Variants in CSMD1 observed in about 807,000 individuals in gnomAD.
CSMD1 encodes CUB and sushi domain-containing protein 1.
A neutral mutation model predicts 417.5 loss-of-function variants in CSMD1; 213 were observed. The observed-to-expected ratio is 0.51, with a 90% CI of 0.46 to 0.57. The LOEUF (loss-of-function observed/expected upper bound fraction) is 0.57, where lower values mean the gene tolerates loss of function less well. Among genes scored for constraint, CSMD1 ranks in the 20% least tolerant of loss-of-function variants. CSMD1 has a pLI of 0.00. For missense variants in CSMD1, 6,923 were observed against 4,529.7 expected, an observed-to-expected ratio of 1.53 and a Z score of -15.17; for synonymous variants, 2,862 against 1,736.8, an observed-to-expected ratio of 1.65 and a Z score of -16.11.
intron 2 of CSMD1, among the ~76,000 whole-genome samples, chr8:4,446,755 CTGTGTG>C (rs58002310): frequency 0.017 from 2,198 of 132,912 alleles, 20 homozygotes; most frequent in African/African-American, 0.027. Flanking sequence ...GTGTGTGTGT[CTGTGTG>C]TGTGTGTGTG....
intron 7 of CSMD1, among the ~76,000 whole-genome samples, chr8:3,640,196 G>A (rs939592846): frequency 2.0e-5 from 3 of 152,172 alleles, no homozygotes; most frequent in Non-Finnish European, 4.4e-5. Context: ...GGATATTGCA[G>A]TCATGTGGGG....
At chr8:4,345,272 T>C (rs146570863) in intron 3 of CSMD1, among the ~76,000 whole-genome samples, 2 of 152,320 alleles carry the variant, frequency 1.3e-5, no homozygotes, top group Admixed American at 6.5e-5. Context: ...TAGGAACTTA[T>C]GCTTTCTATG....
chr8:3,507,407 T>C (rs182892316), intron 10 of CSMD1, among the ~76,000 whole-genome samples: 76 of 152,350 alleles, frequency 5.0e-4, no homozygotes, highest in African/African-American at 1.7e-3. Flanking sequence ...TCTATCATTG[T>C]TGGACATTTG....
chr8:4,533,344 A>C (rs1269514490), intron 2 of CSMD1, among the ~76,000 whole-genome samples: 1 of 152,172 alleles, frequency 6.6e-6, no homozygotes, highest in Admixed American at 6.6e-5. Flanking sequence ...TTTAGAGTTA[A>C]TTCATTTGGA....
chr8:3,032,872 C>T (rs940112668), intron 50 of CSMD1, among the ~76,000 whole-genome samples: 1 of 151,916 alleles, frequency 6.6e-6, no homozygotes, highest in East Asian at 1.9e-4. Context: ...CTTTATATAC[C>T]CTTCATTAAA....
chr8:4,464,828 A>C (rs1016671287), intron 2 of CSMD1, among the ~76,000 whole-genome samples: 1 of 152,074 alleles, frequency 6.6e-6, no homozygotes, highest in African/African-American at 2.4e-5. Context: ...TTTTGGGAGG[A>C]AAGTATCTAT....
At chr8:4,639,681 T>A (rs752977806) in intron 1 of CSMD1, among the ~76,000 whole-genome samples, 1 of 152,198 alleles carries the variant, frequency 6.6e-6, no homozygotes, top group Non-Finnish European at 1.5e-5. Flanking sequence ...CAGCTCTTAT[T>A]GTTAAAGTAC....
chr8:4,236,621 T>A (rs192097482), intron 3 of CSMD1, among the ~76,000 whole-genome samples: 1 of 152,320 alleles, frequency 6.6e-6, no homozygotes, highest in African/African-American at 2.4e-5. Context: ...AACCTACCTC[T>A]TAAAAGAATT....
At chr8:3,889,133 C>T (rs1277748914) in intron 5 of CSMD1, among the ~76,000 whole-genome samples, 2 of 151,824 alleles carry the variant, frequency 1.3e-5, no homozygotes, top group African/African-American at 2.4e-5. Context: ...CCCAATGATT[C>T]AGATGAAAAA....
intron 1 of CSMD1, among the ~76,000 whole-genome samples, chr8:4,696,036 T>C (rs772404518): frequency 6.6e-6 from 1 of 152,324 alleles, no homozygotes; most frequent in Non-Finnish European, 1.5e-5. Flanking sequence ...TTGAGGAACT[T>C]ACAGAATCTC....
intron 2 of CSMD1, among the ~76,000 whole-genome samples, chr8:4,530,805 A>C (rs2130455041): frequency 6.6e-6 from 1 of 151,834 alleles, no homozygotes; most frequent in South Asian, 2.1e-4. Context: ...CCATAGCCAA[A>C]GGATTATAAA....
chr8:4,971,615 T>A (rs1585434412), intron 1 of CSMD1, among the ~76,000 whole-genome samples: 1 of 151,862 alleles, frequency 6.6e-6, no homozygotes, highest in African/African-American at 2.4e-5. Context: ...GATTTCTAAT[T>A]GCAAATGCAT....
At chr8:3,921,518 G>A (rs62480125) in intron 5 of CSMD1, among the ~76,000 whole-genome samples, 10,744 of 151,768 alleles carry the variant, frequency 0.071, 461 homozygotes, top group South Asian at 0.15. Flanking sequence ...TTTTTTTCAT[G>A]TAGGCCATCA....
intron 1 of CSMD1, among the ~76,000 whole-genome samples, chr8:4,738,461 G>C (rs1810384931): frequency 6.6e-6 from 1 of 152,114 alleles, no homozygotes; most frequent in Admixed American, 6.6e-5. Flanking sequence ...CAGATCTCAT[G>C]AGAACAAACT....
chr8:4,494,836 A>G (rs1801897675), intron 2 of CSMD1, among the ~76,000 whole-genome samples: 1 of 152,218 alleles, frequency 6.6e-6, no homozygotes, highest in African/African-American at 2.4e-5. Flanking sequence ...CTTAGAAAAT[A>G]GAGTCAGGGT....
rs200497390 is a variant in CSMD1 at position 4,890,686 on chromosome 8, T to C, written c.85+103646A>G. ...AGCGTGTGACTCCGACACCCTCCCC[T>C]GCTTTGGTTTTGTTCTGCATGTTAT... On this transcript the variant is annotated intron_variant, in intron 1 of 69. Coordinates refer to ENST00000635120, the MANE Select transcript of CSMD1 (RefSeq NM_033225.6). 1.1e-3 allele frequency among the ~76,000 whole-genome samples: 164 copies of C among 152,262 alleles called. 3 individuals carry two copies. Among genetic ancestry groups the C allele is most frequent in the African/African-American group, 3.6e-3 (151 of 41,522 alleles).
chr8:4,044,479 C>T (rs1585195837), intron 3 of CSMD1, among the ~76,000 whole-genome samples: 2 of 152,190 alleles, frequency 1.3e-5, no homozygotes, highest in African/African-American at 4.8e-5. Flanking sequence ...GGTCACATCT[C>T]AGGGGACCAG....
chr8:3,181,223 A>T lies in CSMD1; in HGVS notation c.5621-9T>A. On this transcript the variant is annotated splice_polypyrimidine_tract_variant and intron_variant, in intron 36 of 69. Coordinates refer to ENST00000635120, the MANE Select transcript of CSMD1 (RefSeq NM_033225.6). The stretch of plus-strand genomic sequence containing the variant: ...TGCCGGTACTGTGGTGCCTGTAAGA[A>T]ACAATGCAGATAGAATTGTAACACT... 1 of 1,579,296 alleles carries T rather than the reference A, an allele frequency of 6.3e-7. No homozygotes were observed. The highest frequency in any genetic ancestry group is 2.2e-5 in the East Asian group (1 of 44,716).
rs2129070494 is a variant in CSMD1, at chr8:3,796,508, T to TAG, written c.819-42467_819-42466insCT. On this transcript the variant is annotated intron_variant, in intron 5 of 69. Coordinates refer to ENST00000635120, the MANE Select transcript of CSMD1 (RefSeq NM_033225.6). ...TCTATCATGTATAGATATAGATATA[T>TAG]ATATCTATATATCTATATCTAAGAT... Among the ~76,000 whole-genome samples, 4 of 144,042 alleles carry TAG rather than the reference T, an allele frequency of 2.8e-5. No individual in the cohort carries two copies. The South Asian group carries it at 8.7e-4, about 31-fold the overall frequency. 94.5% of individuals were successfully genotyped at this position (144,042 alleles called of 152,430 possible).
Sources: allele counts gnomAD v4.1 joint callset (sites outside exome capture counted in the v4.1 genomes callset), GRCh38; gene constraint gnomAD v4.1.1; transcripts MANE v1.5; gene names NCBI Gene and HGNC (gene_info 2026-07-23, HGNC 2026-07-21).